The following ENPP2 variants were observed in gnomAD, a reference collection of about 807,000 sequenced individuals.
The protein encoded by ENPP2 is autotaxin.
ENPP2 carries 51 observed loss-of-function variants against 120.2 expected under a neutral mutation model. That is an observed-to-expected ratio of 0.42 (90% CI 0.34 to 0.54). The LOEUF is 0.54. ENPP2 is among the 20% of genes least tolerant of loss of function. ENPP2 has a pLI of 0.04. For missense variants in ENPP2, 920 were observed against 1,066.5 expected, an observed-to-expected ratio of 0.86 and a Z score of 1.91; for synonymous variants, 365 against 366.4, an observed-to-expected ratio of 1.00 and a Z score of 0.04.
chr8:119,579,986 G>A (rs540994072), intron 19 of ENPP2, 130 bp downstream of exon 19: 1 of 734,822 alleles, frequency 1.4e-6, no homozygotes, highest in East Asian at 2.5e-5. Flanking sequence ...AGATAGGTAT[G>A]AAAGTCACTT....
intron 1 of ENPP2, among the ~76,000 whole-genome samples, chr8:119,645,367 C>T (rs1817412505): frequency 6.6e-6 from 1 of 152,176 alleles, no homozygotes; most frequent in Non-Finnish European, 1.5e-5. Flanking sequence ...TCATTTCAAT[C>T]CTTTCCTCTC....
rs1341457978 is a variant in ENPP2, at chr8:119,568,221, A to G, written c.2085T>C (p.Asp695=). The G allele has an allele frequency of 6.2e-7, 1 of 1,603,266 alleles. No homozygotes were observed. ...GAACCATATTGGTTACAAGGAATGC[A>G]TCATATTTAGCCTCTGGTGAAGAGC... The part of the protein sequence containing the change: ...YLSSSPEAKY[D]AFLVTNMVPM... The change falls in exon 22 of 25, where the codon GAT becomes GAC. Residue 695 remains aspartate, a synonymous_variant. Coordinates refer to ENST00000075322, the MANE Select transcript of ENPP2 (RefSeq NM_001040092.3).
Position 119,568,165 on chromosome 8 carries a change from T to A in ENPP2, c.2131+10A>T, listed in dbSNP as rs200710025. 143 of 1,433,788 alleles carry A rather than the reference T, an allele frequency of 1.0e-4. No individual in the cohort carries two copies. Among genetic ancestry groups the A allele is most frequent in the Non-Finnish European group, 1.4e-4 (139 of 1,019,116 alleles). 88.8% of individuals were successfully genotyped at this position (1,433,788 alleles called of 1,614,324 possible). On this transcript the variant is annotated intron_variant, in intron 22 of 24. Transcript: ENST00000075322. ...TAAATAACAGTGTATTAGGTAAATA[T>A]TGGACTTACGTTTGAAAGCAGGATA... is the stretch of plus-strand genomic sequence containing the variant.
intron 1 of ENPP2, among the ~76,000 whole-genome samples, chr8:119,665,340 C>A (rs1225727430): frequency 1.3e-5 from 2 of 152,184 alleles, no homozygotes; most frequent in Non-Finnish European, 2.9e-5. Context: ...ACAATGGACA[C>A]CTTCCTGCTT....
At chr8:119,564,677 C>CAAA (rs372773704) in intron 23 of ENPP2, 146 bp downstream of exon 23, 16 of 295,708 alleles carry the variant, frequency 5.4e-5, no homozygotes, top group Non-Finnish European at 7.3e-5. Flanking sequence ...GACGCCGTCT[C>CAAA]AAAAAAATAT....
chr8:119,657,310 T>C (rs916873638), intron 1 of ENPP2, among the ~76,000 whole-genome samples: 2 of 152,202 alleles, frequency 1.3e-5, no homozygotes, highest in Admixed American at 6.5e-5. Flanking sequence ...GGTAGAGAAA[T>C]GATTTAAACC....
intron 12 of ENPP2, among the ~76,000 whole-genome samples, chr8:119,591,011 A>AAC (rs1443739914): frequency 1.3e-5 from 2 of 151,294 alleles, no homozygotes; most frequent in African/African-American, 2.4e-5. Flanking sequence ...AAAAAAAAAA[A>AAC]AAAAACCCTA....
At chr8:119,584,236 A>G (rs933619205) in intron 15 of ENPP2, among the ~76,000 whole-genome samples, 187 bp from the exon 16 acceptor site, 1 of 152,178 alleles carries the variant, frequency 6.6e-6, no homozygotes, top group Non-Finnish European at 1.5e-5. Context: ...TTTCTTTGAC[A>G]GTTATTGCAG....
chr8:119,647,292 G>A (rs1255952765), intron 1 of ENPP2, among the ~76,000 whole-genome samples: 7 of 152,122 alleles, frequency 4.6e-5, no homozygotes, highest in Non-Finnish European at 1.0e-4. Flanking sequence ...ACTGCGCCCA[G>A]CCCGTCTGCA....
At chr8:119,650,490 A>G (rs1817596726) in intron 1 of ENPP2, among the ~76,000 whole-genome samples, 1 of 152,222 alleles carries the variant, frequency 6.6e-6, no homozygotes, top group Admixed American at 6.5e-5. Flanking sequence ...TTATATCCCA[A>G]AAAAGCTATT....
intron 8 of ENPP2, among the ~76,000 whole-genome samples, chr8:119,614,812 A>T (rs1486293804): frequency 2.6e-5 from 4 of 152,156 alleles, no homozygotes; most frequent in Non-Finnish European, 5.9e-5. Context: ...ATATTCCCCT[A>T]TCATAAACTT....
At chr8:119,592,473 C>CAAAAAAAAAAAAAA (rs61330053) in intron 12 of ENPP2, among the ~76,000 whole-genome samples, 3 of 54,926 alleles carry the variant, frequency 5.5e-5, no homozygotes, top group African/African-American at 1.5e-4. Context: ...AACTCCACCT[C>CAAAAAAAAAAAAAA]AAAAAAAAAA....
chr8:119,647,035 T>C, intron 1 of ENPP2, among the ~76,000 whole-genome samples: 2 of 151,328 alleles, frequency 1.3e-5, no homozygotes, highest in Non-Finnish European at 2.9e-5. Context: ...TTTGGCTCTG[T>C]CGCCCAGGCT....
chr8:119,605,610 G>A (rs372795608), intron 9 of ENPP2, among the ~76,000 whole-genome samples: 10 of 149,660 alleles, frequency 6.7e-5, no homozygotes, highest in African/African-American at 2.5e-4. Flanking sequence ...ACAGACATGT[G>A]TCCCCATGCC....
At chr8:119,617,949 C>CA (rs1237636894) in intron 5 of ENPP2, among the ~76,000 whole-genome samples, 1 of 151,550 alleles carries the variant, frequency 6.6e-6, no homozygotes, top group Non-Finnish European at 1.5e-5. Flanking sequence ...AACTCCATCT[C>CA]AAAAAAAATA....
chr8:119,568,075 G>C (rs1254910216), intron 22 of ENPP2, 100 bp downstream of exon 22: 1 of 732,604 alleles, frequency 1.4e-6, no homozygotes, highest in Admixed American at 2.3e-5. Context: ...CACATGAAAA[G>C]TATTCTTATT....
At chr8:119,596,016 T>G (rs1162407287) in intron 11 of ENPP2, 4 of 1,612,958 alleles carry the variant, frequency 2.5e-6, no homozygotes, top group Non-Finnish European at 2.5e-6. Flanking sequence ...TACTGGCGGA[T>G]AGAGATGTCT....
chr8:119,614,062 CTTT>C (rs1241610980), intron 8 of ENPP2, among the ~76,000 whole-genome samples: 5 of 115,858 alleles, frequency 4.3e-5, no homozygotes, highest in Non-Finnish European at 7.2e-5. Context: ...CCTGGGAAAT[CTTT>C]TTTTTTTTTT....
At chr8:119,662,466 C>T (rs76967718) in intron 1 of ENPP2, among the ~76,000 whole-genome samples, 5,597 of 152,088 alleles carry the variant, frequency 0.037, 336 homozygotes, top group African/African-American at 0.13. Flanking sequence ...AAATCCTCTG[C>T]CCACACCAGA....
Sources: gnomAD v4.1 joint callset for allele counts (sites outside exome capture counted in the v4.1 genomes callset) on GRCh38, gnomAD v4.1.1 for gene constraint, MANE v1.5 for transcripts, NCBI Gene and HGNC (gene_info 2026-07-23, HGNC 2026-07-21) for gene names.